The following PNPLA1 variants were observed in gnomAD, a reference collection of about 807,000 sequenced individuals.
PNPLA1 encodes patatin like domain 1, omega-hydroxyceramide transacylase.
PNPLA1 carries 36 observed loss-of-function variants against 51.7 expected under a neutral mutation model. The ratio of observed to expected loss-of-function variants is 0.70; its 90% CI spans 0.53 to 0.92. PNPLA1 has a LOEUF of 0.92. Among genes scored for constraint, PNPLA1 ranks in the 40% least tolerant of loss-of-function variants. PNPLA1 has a pLI of 0.00. For synonymous variants in PNPLA1, 293 were observed against 280.1 expected, an observed-to-expected ratio of 1.05 and a Z score of -0.46; for missense variants, 658 against 682.5, an observed-to-expected ratio of 0.96 and a Z score of 0.40.
chr6:36,302,564 G>A, intron 6 of PNPLA1, 95 bp downstream of exon 6: 3 of 1,466,364 alleles, frequency 2.0e-6, no homozygotes, highest in South Asian at 1.4e-5. Flanking sequence ...TTCTTTAGGG[G>A]TGCGTGGCTG....
At chr6:36,282,768 C>T (rs1330686370) in intron 1 of PNPLA1, among the ~76,000 whole-genome samples, 1 of 152,192 alleles carries the variant, frequency 6.6e-6, no homozygotes, top group Non-Finnish European at 1.5e-5. Context: ...TCACTGCAAC[C>T]TCCACCTCCT....
At chr6:36,246,484 G>A (rs901461127) in intron 1 of PNPLA1, among the ~76,000 whole-genome samples, 1 of 152,172 alleles carries the variant, frequency 6.6e-6, no homozygotes, top group East Asian at 1.9e-4. Context: ...TTACAGGTGT[G>A]AGCCATGGTG....
At chr6:36,296,921 C>A (rs1770875161) in intron 5 of PNPLA1, among the ~76,000 whole-genome samples, 2 of 152,132 alleles carry the variant, frequency 1.3e-5, no homozygotes, top group Non-Finnish European at 2.9e-5. Flanking sequence ...TCTCCTGGGG[C>A]CTCAGTTTCC....
At chr6:36,248,388 A>G (rs1031586037) in intron 1 of PNPLA1, among the ~76,000 whole-genome samples, 1 of 152,146 alleles carries the variant, frequency 6.6e-6, no homozygotes, top group Non-Finnish European at 1.5e-5. Context: ...CTTCTATTTT[A>G]TTGAGACACA....
chr6:36,275,353 T>C (rs1770057646), intron 1 of PNPLA1, among the ~76,000 whole-genome samples: 1 of 152,154 alleles, frequency 6.6e-6, no homozygotes, highest in Non-Finnish European at 1.5e-5. Context: ...AATGCAAGAG[T>C]TACAGGCCTA....
intron 1 of PNPLA1, among the ~76,000 whole-genome samples, chr6:36,276,769 C>G (rs1770112907): frequency 6.6e-6 from 1 of 151,606 alleles, no homozygotes; most frequent in South Asian, 2.1e-4. Context: ...TTCCTTCCTT[C>G]CTTCCTTCCT....
intron 4 of PNPLA1, among the ~76,000 whole-genome samples, chr6:36,295,159 C>T (rs913241542): frequency 1.1e-4 from 16 of 152,178 alleles, no homozygotes; most frequent in Non-Finnish European, 1.6e-4. Flanking sequence ...AACTCATGAA[C>T]GGAGCATCAC....
At chr6:36,253,535 G>A (rs35517925) in intron 1 of PNPLA1, among the ~76,000 whole-genome samples, 30,735 of 152,104 alleles carry the variant, frequency 0.2, 3,568 homozygotes, top group South Asian at 0.41. Flanking sequence ...AGATGCAGTG[G>A]TGTGATCATA....
In PNPLA1 at chr6:36,294,498, C is replaced by T; in HGVS notation, c.714+99C>T. The stretch of plus-strand genomic sequence containing the variant: ...GCCCACTCAAGTTCCATCTGAGTCT[C>T]CTCCCCTCAAATGGTCCTTTAAACT... On this transcript the variant is annotated intron_variant, in intron 4 of 8. Transcript: ENST00000636260. The surrounding 1 kb of genome is among the most constrained non-coding windows in gnomAD (Gnocchi z 4.2). The T allele has an allele frequency of 1.8e-6, 2 of 1,137,226 alleles. No homozygotes were observed. The highest frequency in any genetic ancestry group is 2.6e-6 in the Non-Finnish European group (2 of 779,732). The allele number at this position is 1,137,226 out of a possible 1,614,324, so 70.4% of individuals were successfully genotyped here.
chr6:36,292,536 T>A (rs989949760), intron 2 of PNPLA1, among the ~76,000 whole-genome samples: 17 of 152,180 alleles, frequency 1.1e-4, no homozygotes, highest in African/African-American at 3.9e-4. Flanking sequence ...TGCCTGCTGC[T>A]GAAACCCAGT....
intron 1 of PNPLA1, among the ~76,000 whole-genome samples, chr6:36,282,203 A>AGGAT (rs780601735): frequency 1.4e-5 from 1 of 69,540 alleles, no homozygotes; most frequent in Non-Finnish European, 3.0e-5. Context: ...GAAGGAAGGA[A>AGGAT]GGAAGGAAGG....
intron 5 of PNPLA1, among the ~76,000 whole-genome samples, chr6:36,300,003 T>G (rs1478954704): frequency 6.6e-6 from 1 of 152,172 alleles, no homozygotes; most frequent in African/African-American, 2.4e-5. Context: ...TCTTGACATA[T>G]TATTAACTAA....
At chr6:36,308,999 C>T (rs1254638954) in intron 8 of PNPLA1, among the ~76,000 whole-genome samples, 1 of 152,064 alleles carries the variant, frequency 6.6e-6, no homozygotes, top group Non-Finnish European at 1.5e-5. Flanking sequence ...TGCTTCAAGT[C>T]TTTGTTGGTC....
intron 1 of PNPLA1, among the ~76,000 whole-genome samples, chr6:36,277,986 G>A (rs1224812382): frequency 6.6e-6 from 1 of 152,210 alleles, no homozygotes; most frequent in East Asian, 1.9e-4. Context: ...CTTGCAGCAG[G>A]GGGCCTGGGC....
In PNPLA1 at chr6:36,294,101, G is replaced by T; in HGVS notation, c.505-89G>T. On this transcript the variant is annotated intron_variant, in intron 3 of 8. Coordinates refer to ENST00000636260, the MANE Select transcript of PNPLA1 (RefSeq NM_001374623.1). This position sits in a 1 kb window ranked among gnomAD's most constrained non-coding sequence, Gnocchi z 4.2. ...CTTCCTTGATGGGCCCTTGAAGCTGGTGCCATATCCCATGGGCCATTTCGA... is the reference window on the plus strand; with the variant it reads ...CTTCCTTGATGGGCCCTTGAAGCTGTTGCCATATCCCATGGGCCATTTCGA... The T allele has an allele frequency of 6.9e-7, 1 of 1,449,320 alleles. No homozygotes were observed. Among genetic ancestry groups the T allele is most frequent in the South Asian group, 1.3e-5 (1 of 77,814 alleles). 89.8% of individuals were successfully genotyped at this position (1,449,320 alleles called of 1,614,324 possible).
chr6:36,293,266 T>A, intron 3 of PNPLA1, 140 bp downstream of exon 3: 1 of 875,980 alleles, frequency 1.1e-6, no homozygotes, highest in Non-Finnish European at 1.8e-6. Flanking sequence ...ATGTTGTTAC[T>A]CAGAATTCCC....
intron 1 of PNPLA1, among the ~76,000 whole-genome samples, chr6:36,274,847 GTGCCTGCTCACCACC>G (rs1457196983): frequency 6.6e-6 from 1 of 152,106 alleles, no homozygotes; most frequent in African/African-American, 2.4e-5. Context: ...CTTCTGTACT[GTGCCTGCTCACCACC>G]TTTCCCTGTT....
intron 1 of PNPLA1, among the ~76,000 whole-genome samples, chr6:36,279,933 C>T (rs983049328): frequency 1.9e-4 from 29 of 152,192 alleles, no homozygotes; most frequent in Non-Finnish European, 1.6e-4. Context: ...ACAGGCTGGG[C>T]GTGGTGGCTC....
chr6:36,266,804 C>G (rs1185777236), upstream of PNPLA1, among the ~76,000 whole-genome samples: 8 of 152,210 alleles, frequency 5.3e-5, no homozygotes, highest in African/African-American at 9.7e-5. Context: ...CAATTAGATT[C>G]AGGTGACATC....
Sources: allele counts gnomAD v4.1 joint callset (sites outside exome capture counted in the v4.1 genomes callset), GRCh38; gene constraint gnomAD v4.1.1; non-coding constraint Gnocchi (gnomAD v3.1); transcripts MANE v1.5; gene names NCBI Gene and HGNC (gene_info 2026-07-23, HGNC 2026-07-21).